The following MIS18A variants were observed in gnomAD, a reference collection of about 807,000 sequenced individuals.
MIS18A encodes the protein MIS18 kinetochore protein A, also known as protein Mis18-alpha.
Under a neutral mutation model 25.0 loss-of-function variants are expected in MIS18A, and 14 were observed. The observed-to-expected ratio is 0.56, with a 90% confidence interval of 0.37 to 0.88. The LOEUF (loss-of-function observed/expected upper bound fraction) is 0.88, where lower values mean the gene tolerates loss of function less well. Ranked by LOEUF, MIS18A falls within the 40% of genes least tolerant of loss-of-function variation. MIS18A has a pLI of 0.00. For missense variants in MIS18A, 292 were observed against 290.8 expected (o/e 1.00, Z -0.03); for synonymous variants, 134 against 118.6 (o/e 1.13, Z -0.84).
the MIS18A span, among the ~76,000 whole-genome samples, chr21:32,203,612 G>GTTTTT: frequency 4.5e-5 from 5 of 111,100 alleles, no homozygotes; most frequent in East Asian, 2.6e-4. Context: ...TTTTTTAAAT[G>GTTTTT]CTTTTTTTTT....
chr21:32,213,086 A>G, the MIS18A span, among the ~76,000 whole-genome samples: 1 of 152,178 alleles, frequency 6.6e-6, no homozygotes, highest in Non-Finnish European at 1.5e-5. Context: ...AATTGGTACA[A>G]CCTTTAAGGT....
the MIS18A span, among the ~76,000 whole-genome samples, chr21:32,209,155 G>GAAAA: frequency 1.3e-5 from 2 of 148,162 alleles, no homozygotes; most frequent in Admixed American, 6.7e-5. Flanking sequence ...AATAAATTCT[G>GAAAA]AAAAAAAAAA....
chr21:32,191,023 G>A, the MIS18A span, among the ~76,000 whole-genome samples: 1 of 152,184 alleles, frequency 6.6e-6, no homozygotes, highest in Admixed American at 6.5e-5. Flanking sequence ...GGAACCAGGT[G>A]GATTATATTT....
chr21:32,169,064 A>C, the MIS18A span, among the ~76,000 whole-genome samples: 1 of 152,216 alleles, frequency 6.6e-6, no homozygotes, highest in Non-Finnish European at 1.5e-5. Flanking sequence ...AGGCTAACCA[A>C]TATGAGGTGC....
At chr21:32,249,471 C>G in the MIS18A span, among the ~76,000 whole-genome samples, 2 of 152,182 alleles carry the variant, frequency 1.3e-5, no homozygotes, top group Non-Finnish European at 2.9e-5. Context: ...ATGAAGACTT[C>G]TGGGAGGAGC....
At chr21:32,171,945 A>T in the MIS18A span, among the ~76,000 whole-genome samples, 1 of 152,110 alleles carries the variant, frequency 6.6e-6, no homozygotes, top group Admixed American at 6.5e-5. Context: ...GGAACTTAGT[A>T]GCAAGAAAAC....
At chr21:32,231,793 G>C in the MIS18A span, among the ~76,000 whole-genome samples, 2 of 152,118 alleles carry the variant, frequency 1.3e-5, no homozygotes, top group African/African-American at 4.8e-5. Flanking sequence ...GGCACCTGTA[G>C]TCCCAGCTAC....
chr21:32,242,915 T>C, the MIS18A span, among the ~76,000 whole-genome samples: 1 of 152,088 alleles, frequency 6.6e-6, no homozygotes, highest in Non-Finnish European at 1.5e-5. Context: ...CCCAAGACAG[T>C]GTGGTACTGG....
At chr21:32,160,222 C>T in the MIS18A span, among the ~76,000 whole-genome samples, 1 of 151,722 alleles carries the variant, frequency 6.6e-6, no homozygotes, top group East Asian at 1.9e-4. Context: ...TCCCCAGACC[C>T]CTCAGAAGGG....
At chr21:32,265,486 C>T (rs988296190), downstream of MIS18A, among the ~76,000 whole-genome samples, 7 of 152,200 alleles carry the variant, frequency 4.6e-5, no homozygotes, top group East Asian at 3.9e-4. Context: ...CCAGTGGCTG[C>T]GGAGGGTGTA....
the MIS18A span, among the ~76,000 whole-genome samples, chr21:32,203,237 A>T: frequency 5.9e-5 from 9 of 152,166 alleles, no homozygotes; most frequent in East Asian, 1.7e-3. Flanking sequence ...GGAACTCCAG[A>T]AAGAAGGAAT....
chr21:32,179,211 C>T, the MIS18A span, among the ~76,000 whole-genome samples: 1 of 152,044 alleles, frequency 6.6e-6, no homozygotes, highest in African/African-American at 2.4e-5. Context: ...CACACAAGAA[C>T]TTGAAATTAG....
At chr21:32,241,414 A>G in the MIS18A span, among the ~76,000 whole-genome samples, 1 of 151,834 alleles carries the variant, frequency 6.6e-6, no homozygotes, top group Non-Finnish European at 1.5e-5. Context: ...GCCAACTGTC[A>G]AGGATGTGAC....
At chr21:32,217,800 G>A in the MIS18A span, among the ~76,000 whole-genome samples, 2 of 151,836 alleles carry the variant, frequency 1.3e-5, no homozygotes, top group Non-Finnish European at 2.9e-5. Flanking sequence ...GGCAAAGGGT[G>A]ACATATTCAA....
the MIS18A span, among the ~76,000 whole-genome samples, chr21:32,255,975 A>T: frequency 6.6e-6 from 1 of 152,076 alleles, no homozygotes; most frequent in African/African-American, 2.4e-5. Context: ...CATCTATTTT[A>T]TCTCATCCCT....
chr21:32,258,873 T>C, the MIS18A span, among the ~76,000 whole-genome samples: 37 of 111,882 alleles, frequency 3.3e-4, no homozygotes, highest in Non-Finnish European at 3.5e-5. Flanking sequence ...TTTATTTATT[T>C]ATTTACTTAC....
chr21:32,183,030 G>T, the MIS18A span, among the ~76,000 whole-genome samples: 2 of 152,140 alleles, frequency 1.3e-5, no homozygotes, highest in East Asian at 3.9e-4. Context: ...ATGATCAAAG[G>T]GTTTATAAGT....
the MIS18A span, among the ~76,000 whole-genome samples, chr21:32,158,471 A>ATTTTTTTTTTTTTTTTT: frequency 6.9e-6 from 1 of 144,644 alleles, no homozygotes. Context: ...GATTATTATG[A>ATTTTTTTTTTTTTTTTT]TTTTTTTTTT....
At chr21:32,232,298 A>T in the MIS18A span, among the ~76,000 whole-genome samples, 2 of 151,872 alleles carry the variant, frequency 1.3e-5, no homozygotes, top group Non-Finnish European at 2.9e-5. Flanking sequence ...TCATTCATAG[A>T]TATAAAGATA....
Sources: allele counts gnomAD v4.1 joint callset (sites outside exome capture counted in the v4.1 genomes callset), GRCh38; gene constraint gnomAD v4.1.1; transcripts MANE v1.5; gene names NCBI Gene and HGNC (gene_info 2026-07-23, HGNC 2026-07-21).